Variants in CTR9 observed in about 807,000 individuals in gnomAD.
CTR9 encodes the protein CTR9 component of Paf1/RNA polymerase II complex.
In CTR9, 41 loss-of-function variants were observed where a neutral mutation model predicts 152.1. The ratio of observed to expected loss-of-function variants is 0.27; its 90% confidence interval spans 0.21 to 0.35. CTR9 has a LOEUF of 0.35. CTR9 is among the 10% of genes least tolerant of loss of function. CTR9 has a pLI of 1.00. For synonymous variants in CTR9, 476 were observed against 496.2 expected, an observed-to-expected ratio of 0.96 and a Z score of 0.54; for missense variants, 917 against 1,424.4, an observed-to-expected ratio of 0.64 and a Z score of 5.73.
At chr11:10,769,608 T>C (rs1335252703) in intron 16 of CTR9, among the ~76,000 whole-genome samples, 1 of 152,206 alleles carries the variant, frequency 6.6e-6, no homozygotes, top group East Asian at 1.9e-4. Flanking sequence ...TGTTGTCTTT[T>C]ATAAATGCAA....
In CTR9 at chr11:10,779,028, A is replaced by C. The variant is rs1863289241; in HGVS notation, c.3445A>C (p.Asn1149His). 1 of 1,614,070 alleles carries C rather than the reference A, an allele frequency of 6.2e-7. No individual in the cohort carries two copies. Among genetic ancestry groups the C allele is most frequent in the Admixed American group, 1.7e-5 (1 of 60,002 alleles). ...TGAGGGTTCTGGCCAAGGCTCTGGA[A>C]ATGAATCGGAACCAGAGGGATCCAA... ...DNEGSGQGSG[N>H]ESEPEGSNNE... The change falls in exon 25 of 25, where the codon AAT becomes CAT. Residue 1149 changes from asparagine (N) to histidine (H), a missense_variant. Physicochemically the swap from Asn to His is moderately conservative, Grantham distance 68. This residue lies in a region of CTR9 where 384 missense variants were observed against 398.4 expected (regional missense o/e 0.96). Coordinates refer to ENST00000361367, the MANE Select transcript of CTR9 (RefSeq NM_014633.5).
rs1353368811 is a variant in CTR9 at position 10,759,165 on chromosome 11, C to T, written c.593-1008C>T. 6.6e-5 allele frequency among the ~76,000 whole-genome samples: 10 copies of T among 151,948 alleles called. 1 individual carries two copies. The highest frequency in any genetic ancestry group is 1.5e-4 in the Non-Finnish European group (10 of 68,004). On this transcript the variant is annotated intron_variant, in intron 5 of 24. Coordinates refer to ENST00000361367, the MANE Select transcript of CTR9 (RefSeq NM_014633.5). ...TAGAAAAGAGGTCTAGAGGTGGAGC[C>T]CTAGAGCACTCTGATATTAAGAGAT...
chr11:10,764,235 A>T (rs772106569), intron 10 of CTR9, 34 bp downstream of exon 10: 2 of 1,613,142 alleles, frequency 1.2e-6, no homozygotes, highest in Non-Finnish European at 1.7e-6. Context: ...CTCTCATATG[A>T]TGTGTTTTTT....
At chr11:10,770,968 T>C (rs773459053) in intron 18 of CTR9, among the ~76,000 whole-genome samples, 1 of 152,262 alleles carries the variant, frequency 6.6e-6, no homozygotes, top group Non-Finnish European at 1.5e-5. Context: ...ATTTTACACA[T>C]GTGAAATTTT....
At chr11:10,752,573 C>G (rs535207885) in intron 1 of CTR9, 99 bp from the exon 2 acceptor site, 14 of 795,146 alleles carry the variant, frequency 1.8e-5, no homozygotes, top group Non-Finnish European at 2.6e-5. Context: ...AACACGTACT[C>G]TATGTATATG....
chr11:10,769,172 A>G (rs969234470), intron 16 of CTR9, among the ~76,000 whole-genome samples: 1 of 152,176 alleles, frequency 6.6e-6, no homozygotes, highest in African/African-American at 2.4e-5. Flanking sequence ...CAGTAAGCCA[A>G]GATCCTGCCA....
Position 10,763,670 on chromosome 11 carries a change from T to C in CTR9, c.985T>C (p.Tyr329His). ...AGATTATGACCAAGCTTTTCAGTAC[T>C]ATTATCAAGCCACACAGTTTGCCTC... is the stretch of plus-strand genomic sequence containing the variant. ...QEDYDQAFQY[Y>H]YQATQFASSS... The change falls in exon 9 of 25, where the codon TAT becomes CAT. Residue 329 changes from tyrosine to histidine, a missense_variant. Coordinates refer to ENST00000361367, the MANE Select transcript of CTR9 (RefSeq NM_014633.5). 1 of 1,612,406 alleles carries C rather than the reference T, an allele frequency of 6.2e-7. No individual in the cohort carries two copies. The highest frequency in any genetic ancestry group is 2.2e-5 in the East Asian group (1 of 44,862).
intron 16 of CTR9, 70 bp from the exon 17 acceptor site, chr11:10,770,140 A>G: frequency 6.0e-6 from 7 of 1,166,510 alleles, no homozygotes; most frequent in South Asian, 1.4e-5. Context: ...TTGCAATGCC[A>G]TTTTGCTACA....
intron 7 of CTR9, 24 bp downstream of exon 7, chr11:10,762,078 T>G: frequency 6.9e-7 from 1 of 1,443,178 alleles, no homozygotes; most frequent in Non-Finnish European, 9.5e-7. Context: ...ATTTTTAAAT[T>G]CTGATTTTTG....
intron 24 of CTR9, 131 bp downstream of exon 24, chr11:10,775,764 G>A: frequency 1.8e-6 from 1 of 569,526 alleles, no homozygotes; most frequent in Middle Eastern, 4.8e-4. Flanking sequence ...GAGGGGTGGG[G>A]ACAGACTTGA....
intron 15 of CTR9, 72 bp downstream of exon 15, chr11:10,768,233 A>C: frequency 6.3e-7 from 1 of 1,575,942 alleles, no homozygotes; most frequent in South Asian, 1.1e-5. Context: ...TTTGTAAATC[A>C]GAATTTTTCT....
chr11:10,755,582 C>T, intron 3 of CTR9, 96 bp from the exon 4 acceptor site: 2 of 691,124 alleles, frequency 2.9e-6, no homozygotes, highest in Non-Finnish European at 5.0e-6. Context: ...GGGGAATTTG[C>T]ACTGTGCTCC....
chr11:10,773,370 G>A, intron 21 of CTR9, 97 bp downstream of exon 21: 3 of 1,419,782 alleles, frequency 2.1e-6, no homozygotes, highest in African/African-American at 1.5e-5. Flanking sequence ...GTACTTACTA[G>A]TTTTGACTTC....
In CTR9 at chr11:10,779,138, G is replaced by A. The variant is rs1863291668; in HGVS notation, c.*33G>A. ...TTCATCAATAAGCTTCATCTCTGGA[G>A]GAAACTTTTTTAATATATGAAAGCT... On this transcript the variant is annotated 3_prime_UTR_variant, in exon 25 of 25. Transcript: ENST00000361367. 3 of 1,540,616 alleles carry A rather than the reference G, an allele frequency of 1.9e-6. No homozygotes were observed. The highest frequency in any genetic ancestry group is 1.2e-5 in the South Asian group (1 of 81,726).
Position 10,772,513 on chromosome 11 carries a change from G to C in CTR9, c.2445-7G>C. On this transcript the variant is annotated splice_region_variant and splice_polypyrimidine_tract_variant and intron_variant, in intron 19 of 24. Coordinates refer to ENST00000361367, the MANE Select transcript of CTR9 (RefSeq NM_014633.5). ...ATTCATGTTTCTCTAAACCTGAAAT[G>C]TTCTAGGCAGTGTTCTGACTTACTG... 1 of 1,500,754 alleles carries C rather than the reference G, an allele frequency of 6.7e-7. No individual in the cohort carries two copies. The highest frequency in any genetic ancestry group is 2.4e-5 in the East Asian group (1 of 40,924). The allele number at this position is 1,500,754 out of a possible 1,614,324, so 93.0% of individuals were successfully genotyped here.
Position 10,778,813 on chromosome 11 carries a change from GA to G in CTR9, c.3232del (p.Arg1078AspfsTer112). ...GSEAGSPRRP[R>X]RQRSDQDSDS... is the part of the protein sequence containing the mutation. ...GAGGCCGGCAGTCCCCGGAGGCCAC[GA>G]AGACAGCGGTCAGATCAGGACTCAG... On this transcript the variant is annotated frameshift_variant, in exon 25 of 25. Coordinates refer to ENST00000361367, the MANE Select transcript of CTR9 (RefSeq NM_014633.5). LOFTEE classifies it high-confidence loss of function. The G allele has an allele frequency of 6.2e-7, 1 of 1,614,230 alleles. No homozygotes were observed. The highest frequency in any genetic ancestry group is 8.5e-7 in the Non-Finnish European group (1 of 1,180,050).
rs1464934174 is a variant in CTR9 at position 10,763,428 on chromosome 11, C to T, written c.850-3C>T. 4 of 1,600,670 alleles carry T rather than the reference C, an allele frequency of 2.5e-6. No homozygotes were observed. The highest frequency in any genetic ancestry group is 1.3e-5 in the African/African-American group (1 of 74,404). On this transcript the variant is annotated splice_polypyrimidine_tract_variant and splice_region_variant and intron_variant, in intron 7 of 24. Transcript: ENST00000361367. ...CTCAGTTGACTTTCTGATCTTTGTT[C>T]AGGATTATAGTAAAGTCCAGCATCT...
In CTR9 at chr11:10,779,459, T is replaced by C. The variant is rs928074091; in HGVS notation, c.*354T>C. The C allele has an allele frequency of 1.1e-5, 2 of 181,920 alleles. No homozygotes were observed. The highest frequency in any genetic ancestry group is 1.2e-5 in the Non-Finnish European group (1 of 85,872). The allele number at this position is 181,920 out of a possible 1,614,324, so 11.3% of individuals were successfully genotyped here. A position where few individuals can be genotyped will look rare whatever the true frequency, so the allele number is the denominator to read the frequency against. ...AAGCAGCATACTCTTCTGATTTTTATTGCAATCTTTTACCAAGTGGTGCAC... is the reference window on the plus strand; with the variant it reads ...AAGCAGCATACTCTTCTGATTTTTACTGCAATCTTTTACCAAGTGGTGCAC... On this transcript the variant is annotated 3_prime_UTR_variant, in exon 25 of 25. Transcript: ENST00000361367.
chr11:10,767,467 T>C lies in CTR9; in HGVS notation c.1687-339T>C, dbSNP rs781165684. 1.5e-5 allele frequency: 3 copies of C among 205,410 alleles called. No homozygotes were observed. The highest frequency in any genetic ancestry group is 7.0e-5 in the African/African-American group (3 of 42,716). The allele number at this position is 205,410 out of a possible 1,614,324, so 12.7% of individuals were successfully genotyped here. A position where few individuals can be genotyped will look rare whatever the true frequency, so the allele number is the denominator to read the frequency against. Reference sequence around the variant, plus strand: ...TTTATTTAACAGTGCCTTGTTGCTTTGTATGCATTTATGTCTGGATGTAAA... The same window carrying C: ...TTTATTTAACAGTGCCTTGTTGCTTCGTATGCATTTATGTCTGGATGTAAA... On this transcript the variant is annotated intron_variant, in intron 13 of 24. Coordinates refer to ENST00000361367, the MANE Select transcript of CTR9 (RefSeq NM_014633.5). This position sits in a 1 kb window ranked among gnomAD's most constrained non-coding sequence, Gnocchi z 4.0.
Sources: gnomAD v4.1 joint callset for allele counts (sites outside exome capture counted in the v4.1 genomes callset) on GRCh38, gnomAD v4.1.1 for gene constraint, gnomAD v4.1.1 regional missense constraint, Gnocchi (gnomAD v3.1) non-coding constraint, MANE v1.5 for transcripts, NCBI Gene and HGNC (gene_info 2026-07-23, HGNC 2026-07-21) for gene names.